Variants in NBPF9 observed in about 807,000 individuals in gnomAD.
The protein encoded by NBPF9 is NBPF member 9, also known as NBPF family member NBPF9.
Under a neutral mutation model 97.8 loss-of-function variants are expected in NBPF9, and 91 were observed. The ratio of observed to expected loss-of-function variants is 0.93; its 90% CI spans 0.79 to 1.11. The LOEUF (loss-of-function observed/expected upper bound fraction) is 1.11, where lower values mean the gene tolerates loss of function less well. Ranked by LOEUF, NBPF9 falls within the 50% of genes least tolerant of loss-of-function variation. The probability of loss-of-function intolerance (pLI) is 0.00; values close to 1 mark genes in which losing one functional copy is unlikely to be tolerated. For missense variants in NBPF9, 992 were observed against 939.5 expected (o/e 1.06, Z -0.73); for synonymous variants, 334 against 359.5 (o/e 0.93, Z 0.80).
intron 19 of NBPF9, among the ~76,000 whole-genome samples, chr1:149,064,019 C>CACACAG: frequency 8.6e-6 from 1 of 116,044 alleles, no homozygotes; most frequent in Non-Finnish European, 1.9e-5. Flanking sequence ...CAGACACAGA[C>CACACAG]ACACACACAC....
chr1:149,070,412 C>T (rs1194342944), intron 16 of NBPF9, among the ~76,000 whole-genome samples: 1 of 151,284 alleles, frequency 6.6e-6, no homozygotes, highest in Non-Finnish European at 1.5e-5. Context: ...CAGGGTCCAG[C>T]CTTGCTTTAT....
At chr1:149,092,231 A>G (rs1474426316) in intron 4 of NBPF9, among the ~76,000 whole-genome samples, 2 of 127,710 alleles carry the variant, frequency 1.6e-5, no homozygotes, top group East Asian at 4.7e-4. Flanking sequence ...TAATCACATC[A>G]CTCCATACAT....
intron 3 of NBPF9, among the ~76,000 whole-genome samples, chr1:149,099,945 C>G (rs1184574619): frequency 6.7e-6 from 1 of 148,516 alleles, no homozygotes; most frequent in Non-Finnish European, 1.5e-5. Context: ...TCGTACCACT[C>G]CACTCCAGCC....
In NBPF9 at chr1:149,071,057, G is replaced by A. The variant is rs587603797; in HGVS notation, c.1462C>T (p.Pro488Ser). 2.8e-4 allele frequency: 451 copies of A among 1,611,026 alleles called. 2 individuals carry two copies. In the African/African-American group the frequency reaches 5.1e-3, roughly 18 times the overall value. ...CTATGTGGCTGGTTGGAGTCATAAGGGCCATGGCTATTTGAATAAGTGATG... is the reference window on the plus strand; with the variant it reads ...CTATGTGGCTGGTTGGAGTCATAAGAGCCATGGCTATTTGAATAAGTGATG... The change falls in exon 16 of 30, where the codon CCT becomes TCT. Residue 488 changes from proline (P) to serine (S), a missense_variant. By Grantham distance (74) the Pro-to-Ser change is moderately conservative. This residue lies in a region of NBPF9 where 151 missense variants were observed against 132.8 expected (regional missense o/e 1.14). Coordinates refer to ENST00000584027, the Ensembl canonical transcript of NBPF9.
At chr1:149,088,223 A>G (rs1553659213) in intron 5 of NBPF9, among the ~76,000 whole-genome samples, 1 of 152,272 alleles carries the variant, frequency 6.6e-6, no homozygotes, top group African/African-American at 2.4e-5. Flanking sequence ...CATTGCTAAT[A>G]TACAGAAATA....
chr1:149,063,167 T>C (rs1303936863), intron 20 of NBPF9, among the ~76,000 whole-genome samples: 1 of 143,960 alleles, frequency 6.9e-6, no homozygotes, highest in Non-Finnish European at 1.5e-5. Flanking sequence ...TTTGTGCAAA[T>C]GGTTATGCCA....
rs1166045836 is a variant in NBPF9, at chr1:149,059,245, G to T, written c.2586-148C>A. On this transcript the variant is annotated intron_variant, in intron 25 of 29. Coordinates refer to ENST00000584027, the Ensembl canonical transcript of NBPF9. ...GGTAATGAATTATTGCCTTTAGGTT[G>T]GGATAGACCAGGGCCAGGTAGAAAA... 1.1e-5 allele frequency: 5 copies of T among 458,400 alleles called. 1 individual carries two copies. Among genetic ancestry groups the T allele is most frequent in the East Asian group, 2.9e-5 (1 of 34,856 alleles). The allele number at this position is 458,400 out of a possible 1,614,324, so 28.4% of individuals were successfully genotyped here.
chr1:149,075,823 C>G, exon 12 of NBPF9: 1 of 1,530,736 alleles, frequency 6.5e-7, no homozygotes, highest in East Asian at 2.2e-5. Context: ...CCGGCTGATA[C>G]CACCATGCTG....
Position 149,063,721 on chromosome 1 carries a change from A to T in NBPF9, c.1938T>A (p.Cys646Ter). 1 of 591,318 alleles carries T rather than the reference A, an allele frequency of 1.7e-6. No individual in the cohort carries two copies. Among genetic ancestry groups the T allele is most frequent in the South Asian group, 2.0e-5 (1 of 50,816 alleles). 36.6% of individuals were successfully genotyped at this position (591,318 alleles called of 1,614,324 possible). A position where few individuals can be genotyped will look rare whatever the true frequency, so the allele number is the denominator to read the frequency against. Residue 646 changes from cysteine (C) to a stop codon, truncating the protein, a stop_gained, in exon 20 of 30, where the codon TGT becomes TGA. Coordinates refer to ENST00000584027, the Ensembl canonical transcript of NBPF9. LOFTEE classifies it high-confidence loss of function. ...GCTGGCATGAGTCAGTCAGTTCAAGACAACCTGAAGGAGTTGAATAACATC... is the reference window on the plus strand; with the variant it reads ...GCTGGCATGAGTCAGTCAGTTCAAGTCAACCTGAAGGAGTTGAATAACATC...
At chr1:149,087,195 G>A (rs1440261214) in intron 5 of NBPF9, among the ~76,000 whole-genome samples, 1 of 151,668 alleles carries the variant, frequency 6.6e-6, no homozygotes. Flanking sequence ...TAAGTCTTTT[G>A]AGAAATTGTT....
intron 5 of NBPF9, among the ~76,000 whole-genome samples, chr1:149,084,342 AATAT>A (rs1432072038): frequency 6.8e-6 from 1 of 147,700 alleles, no homozygotes; most frequent in South Asian, 2.1e-4. Context: ...GAATATATAT[AATAT>A]ATATACGTGT....
At chr1:149,076,882 G>C (rs2079920688) in intron 11 of NBPF9, among the ~76,000 whole-genome samples, 1 of 151,646 alleles carries the variant, frequency 6.6e-6, no homozygotes, top group African/African-American at 2.4e-5. Flanking sequence ...ATGAGGGTGG[G>C]AGGATCATCT....
intron 18 of NBPF9, chr1:149,064,883 G>C (rs1187924950): frequency 1.5e-5 from 8 of 527,034 alleles, no homozygotes; most frequent in Non-Finnish European, 6.7e-6. Context: ...TTTGATGAGG[G>C]GGTGCAATGA....
chr1:149,103,455 A>G (rs2082286341), exon 1 of NBPF9: 1 of 152,390 alleles, frequency 6.6e-6, no homozygotes, highest in South Asian at 2.1e-4. Context: ...CTGCCTCGCG[A>G]CGCTCACCTA....
intron 10 of NBPF9, 76 bp downstream of exon 10, chr1:149,077,807 A>G: frequency 6.3e-7 from 1 of 1,585,314 alleles, no homozygotes; most frequent in Admixed American, 1.7e-5. Flanking sequence ...CCCACCATAG[A>G]TGCCAGAGAG....
At chr1:149,076,877 G>A (rs1363493560) in intron 11 of NBPF9, among the ~76,000 whole-genome samples, 3 of 151,584 alleles carry the variant, frequency 2.0e-5, no homozygotes, top group Admixed American at 6.6e-5. Flanking sequence ...AGTGAATGAG[G>A]GTGGGAGGAT....
In NBPF9 at chr1:149,075,636, G is replaced by A; in HGVS notation, c.988+19C>T. ...GACGTCGTTCATCACTTTCGTGATG[G>A]TGAGCCTATAGATCTTACTGTATTT... On this transcript the variant is annotated intron_variant, in intron 12 of 29. Coordinates refer to ENST00000584027, the Ensembl canonical transcript of NBPF9. 6.2e-7 allele frequency: 1 copy of A among 1,605,236 alleles called. No individual in the cohort carries two copies. Among genetic ancestry groups the A allele is most frequent in the Non-Finnish European group, 8.5e-7 (1 of 1,173,532 alleles).
At chr1:149,089,928 C>T (rs1575871305) in intron 5 of NBPF9, among the ~76,000 whole-genome samples, 2 of 152,132 alleles carry the variant, frequency 1.3e-5, no homozygotes, top group South Asian at 2.1e-4. Context: ...GACCGCACGG[C>T]CCCAGAGTCA....
At position 149,075,618 on chromosome 1, in the gene NBPF9, T is replaced by C. The variant is rs782046284; in HGVS notation, c.988+37A>G. ...TCCTCAGAGAGAAGACAGGACGTCG[T>C]TCATCACTTTCGTGATGGTGAGCCT... On this transcript the variant is annotated intron_variant, in intron 12 of 29. Transcript: ENST00000584027. The C allele has an allele frequency of 1.2e-5, 18 of 1,561,590 alleles. No individual in the cohort carries two copies. The African/African-American group carries it at 2.4e-4, about 21-fold the overall frequency.
Sources: gnomAD v4.1 joint callset for allele counts (sites outside exome capture counted in the v4.1 genomes callset) on GRCh38, gnomAD v4.1.1 for gene constraint, gnomAD v4.1.1 regional missense constraint, MANE v1.5 for transcripts, NCBI Gene and HGNC (gene_info 2026-07-23, HGNC 2026-07-21) for gene names.